The following ADGRL3 variants were observed in gnomAD, a reference collection of about 807,000 sequenced individuals.
ADGRL3 encodes calcium-independent alpha-latrotoxin receptor 3.
A neutral mutation model predicts 153.5 loss-of-function variants in ADGRL3; 62 were observed. That is an observed-to-expected ratio of 0.40 (90% CI 0.33 to 0.50). The LOEUF (loss-of-function observed/expected upper bound fraction) is 0.50. Among genes scored for constraint, ADGRL3 ranks in the 20% least tolerant of loss-of-function variants. The pLI, the probability that ADGRL3 is intolerant of heterozygous loss-of-function variation, is 0.47. For synonymous variants in ADGRL3, 710 were observed against 672.5 expected, an observed-to-expected ratio of 1.06 and a Z score of -0.86; for missense variants, 1,641 against 1,859.4, an observed-to-expected ratio of 0.88 and a Z score of 2.16.
intron 1 of ADGRL3, among the ~76,000 whole-genome samples, chr4:61,356,194 T>A (rs1259644198): frequency 1.3e-5 from 2 of 152,074 alleles, no homozygotes; most frequent in African/African-American, 4.8e-5. Context: ...CTTACTCAGA[T>A]TACGCATCTA....
At chr4:61,497,378 T>C (rs1473038329) in intron 3 of ADGRL3, 30 bp downstream of exon 3, 1 of 1,479,460 alleles carries the variant, frequency 6.8e-7, no homozygotes, top group Middle Eastern at 1.9e-4. Context: ...TGTGTAATGC[T>C]TAATGTTGTC....
intron 25 of ADGRL3, among the ~76,000 whole-genome samples, chr4:62,065,122 T>C (rs978697293): frequency 6.6e-6 from 1 of 152,106 alleles, no homozygotes; most frequent in Non-Finnish European, 1.5e-5. Flanking sequence ...GTTATGTATA[T>C]ATTTTTTTCT....
chr4:61,400,439 G>A (rs976354521), intron 2 of ADGRL3, among the ~76,000 whole-genome samples: 57 of 151,914 alleles, frequency 3.8e-4, no homozygotes, highest in African/African-American at 1.3e-3. Flanking sequence ...TTCTAGAGGT[G>A]ATGAAAAGTG....
At chr4:61,261,414 G>A (rs1456108213) in intron 1 of ADGRL3, among the ~76,000 whole-genome samples, 16 of 151,948 alleles carry the variant, frequency 1.1e-4, no homozygotes, top group Admixed American at 1.0e-3. Flanking sequence ...GAGTGGGTTC[G>A]ATGTAGCACT....
chr4:62,054,384 A>G (rs1417589394), intron 25 of ADGRL3, among the ~76,000 whole-genome samples: 1 of 151,630 alleles, frequency 6.6e-6, no homozygotes, highest in Non-Finnish European at 1.5e-5. Flanking sequence ...CTGAGTTTCA[A>G]TCCTACCACT....
At chr4:61,788,389 C>T (rs539352746) in intron 8 of ADGRL3, among the ~76,000 whole-genome samples, 2 of 152,132 alleles carry the variant, frequency 1.3e-5, no homozygotes, top group Admixed American at 6.6e-5. Flanking sequence ...TATACCAGCC[C>T]AGAACCCCGT....
Position 62,070,734 on chromosome 4 carries a change from T to G in ADGRL3, c.4458T>G (p.Asp1486Glu), listed in dbSNP as rs1244034824. 1 of 1,551,536 alleles carries G rather than the reference T, an allele frequency of 6.4e-7. No individual in the cohort carries two copies. Among genetic ancestry groups the G allele is most frequent in the Non-Finnish European group, 8.7e-7 (1 of 1,146,978 alleles). ...PPPAKCGDAE[D>E]VYYKSMPNLG... The stretch of plus-strand genomic sequence containing the variant: ...CGGCCAAATGTGGTGATGCCGAAGA[T>G]GTTTACTACAAAAGCATGCCAAACC... The change falls in exon 27 of 27, where the codon GAT becomes GAG. Residue 1486 changes from aspartate to glutamate, a missense_variant. Around this residue, in one of 5 missense-constraint regions of ADGRL3, gnomAD observed 517 missense variants for 555.0 expected, o/e 0.93. Coordinates refer to ENST00000683033, the MANE Select transcript of ADGRL3 (RefSeq NM_001387552.1).
At chr4:61,887,002 A>G (rs1016466862) in intron 9 of ADGRL3, among the ~76,000 whole-genome samples, 1 of 151,320 alleles carries the variant, frequency 6.6e-6, no homozygotes, top group Middle Eastern at 3.2e-3. Context: ...ACCCACCACC[A>G]TGCTCTGGCT....
At chr4:61,857,949 G>A (rs990967716) in intron 9 of ADGRL3, among the ~76,000 whole-genome samples, 13 of 152,146 alleles carry the variant, frequency 8.5e-5, no homozygotes, top group Non-Finnish European at 1.5e-4. Flanking sequence ...TAGGGACAAA[G>A]GCAGATGTGA....
chr4:61,502,164 G>A (rs1184733699), intron 3 of ADGRL3, among the ~76,000 whole-genome samples: 1 of 152,066 alleles, frequency 6.6e-6, no homozygotes, highest in East Asian at 1.9e-4. Context: ...TAGGTACCTG[G>A]GGCTCATTTT....
At chr4:61,623,805 A>T (rs1163382503) in intron 5 of ADGRL3, among the ~76,000 whole-genome samples, 1 of 152,166 alleles carries the variant, frequency 6.6e-6, no homozygotes, top group African/African-American at 2.4e-5. Context: ...GTTACATAAG[A>T]GCACTTAATA....
At chr4:61,784,300 G>A (rs1464475319) in intron 8 of ADGRL3, among the ~76,000 whole-genome samples, 1 of 152,124 alleles carries the variant, frequency 6.6e-6, no homozygotes, top group Non-Finnish European at 1.5e-5. Flanking sequence ...ACAGCTAAAT[G>A]TTAAGTCCTC....
At chr4:61,268,029 T>C (rs1578049691) in intron 1 of ADGRL3, among the ~76,000 whole-genome samples, 1 of 151,650 alleles carries the variant, frequency 6.6e-6, no homozygotes, top group African/African-American at 2.4e-5. Context: ...AAAATTTATA[T>C]ATAATCATCA....
At chr4:61,399,846 T>C (rs1244221297) in intron 2 of ADGRL3, among the ~76,000 whole-genome samples, 1 of 151,732 alleles carries the variant, frequency 6.6e-6, no homozygotes, top group African/African-American at 2.4e-5. Flanking sequence ...TTGTATTTGC[T>C]CTTATAGATG....
chr4:61,321,917 G>A (rs1426197868), intron 1 of ADGRL3, among the ~76,000 whole-genome samples: 1 of 152,058 alleles, frequency 6.6e-6, no homozygotes, highest in East Asian at 1.9e-4. Context: ...TAGTCATCAG[G>A]TTGTTACATA....
chr4:61,768,564 G>A (rs2152285398), intron 8 of ADGRL3, among the ~76,000 whole-genome samples: 1 of 152,092 alleles, frequency 6.6e-6, no homozygotes, highest in East Asian at 1.9e-4. Flanking sequence ...GATCTTGTAG[G>A]GTGGAAAAAT....
intron 4 of ADGRL3, among the ~76,000 whole-genome samples, chr4:61,537,198 TA>T (rs1470908141): frequency 1.3e-5 from 2 of 151,738 alleles, no homozygotes; most frequent in South Asian, 2.1e-4. Flanking sequence ...TTAGGTAGTC[TA>T]AAAAGAGACC....
chr4:61,897,892 G>A (rs2098640996), intron 11 of ADGRL3, among the ~76,000 whole-genome samples: 2 of 152,096 alleles, frequency 1.3e-5, no homozygotes, highest in African/African-American at 2.4e-5. Flanking sequence ...GAAACCCAGA[G>A]CTTGTAGCAG....
intron 1 of ADGRL3, among the ~76,000 whole-genome samples, chr4:61,322,921 A>G (rs1400125329): frequency 6.6e-6 from 1 of 152,160 alleles, no homozygotes; most frequent in African/African-American, 2.4e-5. Flanking sequence ...CTCCCACCCA[A>G]CACTTCCCTT....
Sources: allele counts gnomAD v4.1 joint callset (sites outside exome capture counted in the v4.1 genomes callset), GRCh38; gene constraint gnomAD v4.1.1; regional missense constraint gnomAD v4.1.1; transcripts MANE v1.5; gene names NCBI Gene and HGNC (gene_info 2026-07-23, HGNC 2026-07-21).